Variants in ABCB7 observed in about 807,000 individuals in gnomAD.
The protein encoded by ABCB7 is ATP binding cassette subfamily B member 7.
Under a neutral mutation model 54.4 loss-of-function variants are expected in ABCB7, and 7 were observed. That is an observed-to-expected ratio of 0.13 (90% CI 0.07 to 0.24). The LOEUF (loss-of-function observed/expected upper bound fraction) is 0.24. Ranked by LOEUF, ABCB7 falls within the 10% of genes least tolerant of loss-of-function variation. The pLI is 1.00. For synonymous variants in ABCB7, 218 were observed against 207.1 expected (o/e 1.05, Z -0.45); for missense variants, 356 against 570.4 (o/e 0.62, Z 3.83).
intron 13 of ABCB7, among the ~76,000 whole-genome samples, chrX:75,064,854 T>C (rs1334436442): frequency 1.2e-5 from 1 of 82,558 alleles, no homozygotes; most frequent in African/African-American, 9.5e-5. Flanking sequence ...TGTTTGCAGC[T>C]GCAAGTGAAA....
Position 75,052,251 on chromosome X carries a change from G to C in ABCB7, c.*1119C>G, listed in dbSNP as rs1275457586. Reference sequence around the variant, plus strand: ...GGAGGCCGAGGCGGGCAGATCACGAGGTCAGGAGATTGAGACCATCCTGGC... The same window carrying C: ...GGAGGCCGAGGCGGGCAGATCACGACGTCAGGAGATTGAGACCATCCTGGC... On this transcript the variant is annotated 3_prime_UTR_variant, in exon 16 of 16. Coordinates refer to ENST00000373394, the MANE Select transcript of ABCB7 (RefSeq NM_001271696.3). The C allele has an allele frequency of 9.1e-6, 1 of 110,170 alleles. No homozygotes were observed. Among genetic ancestry groups the C allele is most frequent in the Non-Finnish European group, 1.9e-5 (1 of 52,864 alleles). 9.1% of individuals were successfully genotyped at this position (110,170 alleles called of 1,213,427 possible).
chrX:75,107,998 A>AGCATTTACCACAAGCT (rs2081719929), intron 3 of ABCB7, among the ~76,000 whole-genome samples: 1 of 110,215 alleles, frequency 9.1e-6, no homozygotes, highest in South Asian at 3.9e-4. Context: ...CTGGCCAGGC[A>AGCATTTACCACAAGCT]GCATTTACCA....
intron 1 of ABCB7, among the ~76,000 whole-genome samples, chrX:75,115,063 A>T (rs1389136791): frequency 2.7e-5 from 3 of 109,392 alleles, no homozygotes; most frequent in Non-Finnish European, 5.7e-5. Flanking sequence ...AGGTCTGGAG[A>T]TCGAGACCAT....
intron 1 of ABCB7, among the ~76,000 whole-genome samples, chrX:75,139,386 T>C (rs1358321135): frequency 8.9e-6 from 1 of 112,023 alleles, no homozygotes; most frequent in Non-Finnish European, 1.9e-5. Flanking sequence ...TTATCTTGCC[T>C]AGAATGTCTT....
intron 3 of ABCB7, among the ~76,000 whole-genome samples, chrX:75,109,974 G>A (rs1400038818): frequency 8.9e-6 from 1 of 112,046 alleles, no homozygotes; most frequent in African/African-American, 3.2e-5. Context: ...TGTGTTGTTG[G>A]AGAGATACAT....
At chrX:75,095,997 C>T (rs1056722298) in intron 4 of ABCB7, among the ~76,000 whole-genome samples, 13 of 111,930 alleles carry the variant, frequency 1.2e-4, no homozygotes, top group African/African-American at 4.2e-4. Flanking sequence ...TCCACTTTGA[C>T]TAGCTTAATT....
At chrX:75,125,459 T>C (rs897573881) in intron 1 of ABCB7, among the ~76,000 whole-genome samples, 2 of 111,818 alleles carry the variant, frequency 1.8e-5, no homozygotes, top group African/African-American at 6.5e-5. Context: ...CTTTCTAGCA[T>C]GCTAAAAGCT....
At chrX:75,103,557 A>G (rs1265498721) in intron 3 of ABCB7, among the ~76,000 whole-genome samples, 1 of 111,379 alleles carries the variant, frequency 9.0e-6, no homozygotes, top group Non-Finnish European at 1.9e-5. Context: ...TGATGTCTCT[A>G]GCTTTGTTCT....
chrX:75,052,777 C>CA lies in ABCB7; in HGVS notation c.*592dup, dbSNP rs747765126. ...TGGGTGACAGAATGAGAATCTGTCT[C>CA]AAAAAAAAAAAACAACAAAAAACAA... On this transcript the variant is annotated 3_prime_UTR_variant, in exon 16 of 16. Coordinates refer to ENST00000373394, the MANE Select transcript of ABCB7 (RefSeq NM_001271696.3). 7,991 of 67,249 alleles carry CA rather than the reference C, an allele frequency of 0.12. 855 individuals are homozygous for CA. Among genetic ancestry groups the CA allele is most frequent in the African/African-American group, 0.33 (7,241 of 21,696 alleles). The allele number at this position is 67,249 out of a possible 1,213,427, so 5.5% of individuals were successfully genotyped here.
chrX:75,053,206 A>T lies in ABCB7; in HGVS notation c.*164T>A. The T allele has an allele frequency of 1.4e-6, 1 of 706,479 alleles. No individual in the cohort carries two copies. Among genetic ancestry groups the T allele is most frequent in the Non-Finnish European group, 2.0e-6 (1 of 491,990 alleles). The allele number at this position is 706,479 out of a possible 1,213,427, so 58.2% of individuals were successfully genotyped here. A position where few individuals can be genotyped will look rare whatever the true frequency, so the allele number is the denominator to read the frequency against. The stretch of plus-strand genomic sequence containing the variant: ...TGGGGATAAATACAGATGCCACATT[A>T]AATAGACTATGAAAGATGTAAAACT... On this transcript the variant is annotated 3_prime_UTR_variant, in exon 16 of 16. Coordinates refer to ENST00000373394, the MANE Select transcript of ABCB7 (RefSeq NM_001271696.3).
chrX:75,141,381 G>A (rs1288172157), intron 1 of ABCB7, among the ~76,000 whole-genome samples: 1 of 111,122 alleles, frequency 9.0e-6, no homozygotes, highest in Non-Finnish European at 1.9e-5. Context: ...TTATATTTGG[G>A]TGTGCTTCTT....
intron 1 of ABCB7, among the ~76,000 whole-genome samples, chrX:75,141,012 T>C (rs1368237231): frequency 1.8e-5 from 2 of 111,875 alleles, no homozygotes; most frequent in East Asian, 5.6e-4. Context: ...TTAACTCTCA[T>C]GTCTTCGGGA....
chrX:75,096,322 C>T (rs2081591177), intron 4 of ABCB7, among the ~76,000 whole-genome samples: 1 of 111,990 alleles, frequency 8.9e-6, no homozygotes, highest in African/African-American at 3.2e-5. Context: ...TAAGTAAGTA[C>T]TCTTTCCCAA....
intron 1 of ABCB7, among the ~76,000 whole-genome samples, chrX:75,128,828 A>G (rs1425660344): frequency 8.9e-6 from 1 of 112,393 alleles, no homozygotes; most frequent in Non-Finnish European, 1.9e-5. Context: ...TTATGCAGCC[A>G]ATAAACATCT....
intron 1 of ABCB7, among the ~76,000 whole-genome samples, chrX:75,144,385 T>G (rs1439138853): frequency 8.9e-6 from 1 of 111,868 alleles, no homozygotes; most frequent in Admixed American, 9.5e-5. Flanking sequence ...AAATCTTTAA[T>G]TTAATTTTAA....
rs775498128 is a variant in ABCB7, at chrX:75,149,446, G to A, written c.168+6659C>T. ...ATATGCCTAATGACAGAAATGCAAC[G>A]GACAAACTTATGAGGTTGCCCTGAA... On this transcript the variant is annotated intron_variant, in intron 1 of 15. Coordinates refer to ENST00000373394, the MANE Select transcript of ABCB7 (RefSeq NM_001271696.3). Among the ~76,000 whole-genome samples the A allele has an allele frequency of 1.8e-4, 20 of 111,678 alleles. No homozygotes were observed. In the East Asian group the frequency reaches 5.1e-3, roughly 28 times the overall value.
intron 15 of ABCB7, among the ~76,000 whole-genome samples, chrX:75,054,530 A>G (rs1602323703): frequency 9.5e-6 from 1 of 105,171 alleles, no homozygotes; most frequent in South Asian, 4.1e-4. Context: ...TTTTATATTT[A>G]TTTTCTTATA....
intron 13 of ABCB7, 151 bp downstream of exon 13, chrX:75,064,919 G>A (rs1159568703): frequency 6.2e-6 from 4 of 645,514 alleles, no homozygotes; most frequent in Non-Finnish European, 9.7e-6. Context: ...ATTGGTTATA[G>A]TGAGGGCTAG....
intron 1 of ABCB7, among the ~76,000 whole-genome samples, chrX:75,125,793 C>T (rs927555496): frequency 9.1e-6 from 1 of 109,886 alleles, no homozygotes; most frequent in East Asian, 2.8e-4. Flanking sequence ...ATTAGCTCCT[C>T]AAATGAAAAA....
Sources: allele counts gnomAD v4.1 joint callset (sites outside exome capture counted in the v4.1 genomes callset), GRCh38; gene constraint gnomAD v4.1.1; transcripts MANE v1.5; gene names NCBI Gene and HGNC (gene_info 2026-07-23, HGNC 2026-07-21).